Variants in CAMTA1 observed in about 807,000 individuals in gnomAD.
CAMTA1 encodes the protein calmodulin binding transcription activator 1, also known as calmodulin-binding transcription activator 1.
In CAMTA1, 27 loss-of-function variants were observed where a neutral mutation model predicts 170.9. The ratio of observed to expected loss-of-function variants is 0.16; its 90% CI spans 0.12 to 0.22. The LOEUF (loss-of-function observed/expected upper bound fraction) is 0.22, where lower values mean the gene tolerates loss of function less well. CAMTA1 is among the 10% of genes least tolerant of loss of function. The pLI is 1.00. For missense variants in CAMTA1, 1,619 were observed against 2,217.2 expected (o/e 0.73, Z 5.42); for synonymous variants, 833 against 891.5 (o/e 0.93, Z 1.17).
At chr1:7,042,915 A>G (rs778133816) in intron 3 of CAMTA1, among the ~76,000 whole-genome samples, 4 of 152,220 alleles carry the variant, frequency 2.6e-5, no homozygotes, top group Non-Finnish European at 4.4e-5. Flanking sequence ...GGTCACTGTA[A>G]TAAGGTAGAA....
At position 7,499,007 on chromosome 1, in the gene CAMTA1, T is replaced by C. The variant is rs532770948; in HGVS notation, c.510+31106T>C. ...GCGTGTGTATGTATATGAGTGTGTG[T>C]GCATGTGTGTCCATGAGTGAGTGTG... On this transcript the variant is annotated intron_variant, in intron 6 of 22. Transcript: ENST00000303635. Among the ~76,000 whole-genome samples the C allele has an allele frequency of 2.6e-3, 282 of 110,018 alleles. 7 individuals are homozygous for C. The highest frequency in any genetic ancestry group is 0.011 in the African/African-American group (261 of 22,782). The allele number at this position is 110,018 out of a possible 152,430, so 72.2% of individuals were successfully genotyped here.
At chr1:7,214,316 T>C (rs1659348544) in intron 4 of CAMTA1, among the ~76,000 whole-genome samples, 2 of 152,248 alleles carry the variant, frequency 1.3e-5, no homozygotes, top group Admixed American at 6.5e-5. Flanking sequence ...TGGTGTGAGA[T>C]GGTATCTCAT....
rs1646216422 is a variant in CAMTA1 at position 7,146,819 on chromosome 1, A to G, written c.302+55448A>G. Among the ~76,000 whole-genome samples the G allele has an allele frequency of 6.6e-6, 1 of 151,966 alleles. No individual in the cohort carries two copies. The highest frequency in any genetic ancestry group is 1.5e-5 in the Non-Finnish European group (1 of 67,984). On this transcript the variant is annotated intron_variant, in intron 4 of 22. Coordinates refer to ENST00000303635, the MANE Select transcript of CAMTA1 (RefSeq NM_015215.4). This position sits in a 1 kb window ranked among gnomAD's most constrained non-coding sequence, Gnocchi z 4.3. ...CCACACAAATATACACCATGTGCACACACACCACACACACATATACCATGC... is the reference window on the plus strand; with the variant it reads ...CCACACAAATATACACCATGTGCACGCACACCACACACACATATACCATGC...
chr1:7,419,665 C>T (rs191704852), intron 5 of CAMTA1, among the ~76,000 whole-genome samples: 95 of 152,330 alleles, frequency 6.2e-4, no homozygotes, highest in Middle Eastern at 3.4e-3. Context: ...GTCGACTCAT[C>T]CTCCTGACCT....
intron 3 of CAMTA1, among the ~76,000 whole-genome samples, chr1:6,889,155 C>T (rs573139114): frequency 9.2e-5 from 14 of 152,122 alleles, no homozygotes; most frequent in Non-Finnish European, 1.3e-4. Context: ...AAAGCAAAGG[C>T]TAAATTTTTT....
At chr1:7,076,697 A>G (rs1440619675) in intron 3 of CAMTA1, among the ~76,000 whole-genome samples, 2 of 152,040 alleles carry the variant, frequency 1.3e-5, no homozygotes, top group African/African-American at 4.8e-5. Flanking sequence ...ATAATATGTG[A>G]GTGTTGGAGC....
intron 5 of CAMTA1, among the ~76,000 whole-genome samples, chr1:7,272,090 A>G (rs1278291869): frequency 3.3e-5 from 5 of 152,188 alleles, no homozygotes; most frequent in African/African-American, 9.6e-5. Context: ...ATATCTATAT[A>G]CATGAGCAAT....
At chr1:6,924,741 T>G (rs1217263008) in intron 3 of CAMTA1, among the ~76,000 whole-genome samples, 1 of 152,234 alleles carries the variant, frequency 6.6e-6, no homozygotes, top group Non-Finnish European at 1.5e-5. Flanking sequence ...GAGCTAAGTT[T>G]TTGCATCTTA....
At chr1:7,602,080 T>TTTCCTTCCTTCCTTCCTTCC (rs757245897) in intron 6 of CAMTA1, among the ~76,000 whole-genome samples, 4 of 70,998 alleles carry the variant, frequency 5.6e-5, no homozygotes, top group African/African-American at 1.7e-4. Flanking sequence ...TCCAATTTTC[T>TTTCCTTCCTTCCTTCCTTCC]TTCCTTCCTT....
intron 4 of CAMTA1, among the ~76,000 whole-genome samples, chr1:7,244,901 T>G (rs1178567931): frequency 6.6e-6 from 1 of 151,730 alleles, no homozygotes; most frequent in African/African-American, 2.4e-5. Context: ...ATAATAATAA[T>G]AAAAATAAAT....
chr1:6,919,124 C>G (rs1265398875), intron 3 of CAMTA1, among the ~76,000 whole-genome samples: 1 of 152,232 alleles, frequency 6.6e-6, no homozygotes, highest in Non-Finnish European at 1.5e-5. Flanking sequence ...GTGTGTTTCT[C>G]TCCGTGGTGA....
At chr1:7,228,912 T>G (rs74051201) in intron 4 of CAMTA1, among the ~76,000 whole-genome samples, 1 of 151,700 alleles carries the variant, frequency 6.6e-6, no homozygotes, top group African/African-American at 2.4e-5. Context: ...GGGGGATGGG[T>G]TTGGGTCAGG....
intron 4 of CAMTA1, among the ~76,000 whole-genome samples, chr1:7,166,829 G>A (rs569440725): frequency 6.8e-6 from 1 of 146,096 alleles, no homozygotes; most frequent in Non-Finnish European, 1.5e-5. Flanking sequence ...TTTTTAAATT[G>A]AGATGGAGTC....
At chr1:7,472,245 G>A (rs2093345989) in intron 6 of CAMTA1, among the ~76,000 whole-genome samples, 1 of 152,190 alleles carries the variant, frequency 6.6e-6, no homozygotes, top group Non-Finnish European at 1.5e-5. Flanking sequence ...CAGGGTGGCA[G>A]TGCAGGTCGG....
chr1:6,838,278 A>C (rs1401773644), intron 3 of CAMTA1, among the ~76,000 whole-genome samples: 2 of 152,164 alleles, frequency 1.3e-5, no homozygotes, highest in African/African-American at 4.8e-5. Context: ...AGAGGAGCAA[A>C]ATGTGCGCTC....
chr1:7,011,043 G>A (rs893616798), intron 3 of CAMTA1, among the ~76,000 whole-genome samples: 1 of 152,174 alleles, frequency 6.6e-6, no homozygotes, highest in African/African-American at 2.4e-5. Context: ...CCCGACAGAC[G>A]CCTACTGGTT....
At chr1:7,480,111 G>GTT (rs1441009423) in intron 6 of CAMTA1, among the ~76,000 whole-genome samples, 1 of 149,894 alleles carries the variant, frequency 6.7e-6, no homozygotes, top group African/African-American at 2.5e-5. Flanking sequence ...GTGAGAGCGT[G>GTT]TGTGTGTGTG....
intron 5 of CAMTA1, among the ~76,000 whole-genome samples, chr1:7,427,292 C>T (rs1037315114): frequency 6.6e-6 from 1 of 152,158 alleles, no homozygotes; most frequent in African/African-American, 2.4e-5. Flanking sequence ...CACATTTAGT[C>T]ACTAATCTTA....
At chr1:7,133,096 A>T (rs555984075) in intron 4 of CAMTA1, among the ~76,000 whole-genome samples, 2 of 152,250 alleles carry the variant, frequency 1.3e-5, no homozygotes, top group East Asian at 3.9e-4. Flanking sequence ...GTAATGCTAG[A>T]TTTAGAAAAT....
Sources: gnomAD v4.1 joint callset for allele counts (sites outside exome capture counted in the v4.1 genomes callset) on GRCh38, gnomAD v4.1.1 for gene constraint, Gnocchi (gnomAD v3.1) non-coding constraint, MANE v1.5 for transcripts, NCBI Gene and HGNC (gene_info 2026-07-23, HGNC 2026-07-21) for gene names.